Variants in KIF1B observed in about 807,000 individuals in gnomAD.
KIF1B encodes kinesin family member 1B.
A neutral mutation model predicts 241.9 loss-of-function variants in KIF1B; 76 were observed. The observed-to-expected ratio is 0.31, with a 90% CI of 0.26 to 0.38. KIF1B has a LOEUF of 0.38. KIF1B is among the 10% of genes least tolerant of loss of function. KIF1B has a pLI of 1.00. For synonymous variants in KIF1B, 750 were observed against 796.7 expected (o/e 0.94, Z 0.99); for missense variants, 1,622 against 2,271.4 (o/e 0.71, Z 5.81).
intron 20 of KIF1B, 86 bp from the exon 21 acceptor site, chr1:10,296,811 T>C: frequency 7.2e-7 from 1 of 1,395,122 alleles, no homozygotes; most frequent in Non-Finnish European, 1.0e-6. Context: ...AGCTGTCTTT[T>C]CACATTAGGG....
rs1374612926 is a variant in KIF1B at position 10,376,862 on chromosome 1, C to CACAT, written c.*278_*279insTACA. 23 of 448,128 alleles carry CACAT rather than the reference C, an allele frequency of 5.1e-5. No homozygotes were observed. The highest frequency in any genetic ancestry group is 4.3e-4 in the African/African-American group (22 of 50,590). 27.8% of individuals were successfully genotyped at this position (448,128 alleles called of 1,614,324 possible). The stretch of plus-strand genomic sequence containing the variant: ...ACACACACACACACACACACACACA[C>CACAT]ACACATACACAGACAAAAACACAAA... On this transcript the variant is annotated 3_prime_UTR_variant, in exon 49 of 49. Transcript: ENST00000676179.
chr1:10,311,939 T>G (rs1651085150), intron 22 of KIF1B, among the ~76,000 whole-genome samples: 1 of 151,496 alleles, frequency 6.6e-6, no homozygotes, highest in African/African-American at 2.5e-5. Context: ...CCCTCTTCTG[T>G]GAGGTAGGTA....
Position 10,378,654 on chromosome 1 carries a change from G to C in KIF1B, c.*2067G>C. 1.9e-6 allele frequency: 1 copy of C among 539,424 alleles called. No individual in the cohort carries two copies. Among genetic ancestry groups the C allele is most frequent in the Non-Finnish European group, 3.3e-6 (1 of 300,304 alleles). The allele number at this position is 539,424 out of a possible 1,614,324, so 33.4% of individuals were successfully genotyped here. On this transcript the variant is annotated 3_prime_UTR_variant, in exon 49 of 49. Transcript: ENST00000676179. ...CGCAGCAAAGGCCAGGGGCTTGCGC[G>C]CCTCTGCAGAGTTGTTGCTAGGGAG...
intron 18 of KIF1B, 36 bp from the exon 19 acceptor site, chr1:10,295,624 T>C: frequency 6.3e-7 from 1 of 1,580,408 alleles, no homozygotes. Flanking sequence ...TTTCTGTGTC[T>C]GAATTTCCCT....
At chr1:10,302,868 C>T (rs949930125) in intron 22 of KIF1B, among the ~76,000 whole-genome samples, 1 of 152,098 alleles carries the variant, frequency 6.6e-6, no homozygotes, top group Non-Finnish European at 1.5e-5. Flanking sequence ...TGTCAATTCT[C>T]CTAAGAAATT....
chr1:10,247,017 A>T lies in KIF1B; in HGVS notation c.107-9230A>T, dbSNP rs559698561. 1.6e-4 allele frequency among the ~76,000 whole-genome samples: 24 copies of T among 152,190 alleles called. No individual in the cohort carries two copies. In the East Asian group the frequency reaches 4.3e-3, roughly 27 times the overall value. On this transcript the variant is annotated intron_variant, in intron 2 of 48. Coordinates refer to ENST00000676179, the MANE Select transcript of KIF1B (RefSeq NM_001365951.3). ...ATAGCTGGGACTACAGGTGCGTGCT[A>T]CCACACCCAGCTAATTTTTGTATTT...
At chr1:10,247,112 A>G (rs1044131365) in intron 2 of KIF1B, among the ~76,000 whole-genome samples, 1 of 152,158 alleles carries the variant, frequency 6.6e-6, no homozygotes, top group Admixed American at 6.6e-5. Flanking sequence ...CAATATGTCC[A>G]CCTAGGCCTC....
At chr1:10,331,706 T>G (rs1156976908) in intron 27 of KIF1B, among the ~76,000 whole-genome samples, 1 of 152,208 alleles carries the variant, frequency 6.6e-6, no homozygotes, top group African/African-American at 2.4e-5. Context: ...TTGGTTTTGT[T>G]TGATTTATTG....
chr1:10,324,123 G>T (rs1651630682), intron 25 of KIF1B, 61 bp downstream of exon 25: 2 of 1,095,690 alleles, frequency 1.8e-6, no homozygotes, highest in East Asian at 5.3e-5. Context: ...ACCTGCTCAA[G>T]TGAGCTCCCT....
chr1:10,306,534 C>T (rs1650834377), intron 22 of KIF1B: 1 of 651,814 alleles, frequency 1.5e-6, no homozygotes, highest in Non-Finnish European at 2.0e-6. Flanking sequence ...TCCCTAGAGC[C>T]CAGGAGTTCT....
At chr1:10,268,917 T>G (rs990186841) in intron 7 of KIF1B, among the ~76,000 whole-genome samples, 15 of 152,180 alleles carry the variant, frequency 9.9e-5, no homozygotes, top group African/African-American at 3.6e-4. Context: ...ATAGGATTGT[T>G]AAAAAGATTA....
rs756990052 is a variant in KIF1B at position 10,374,364 on chromosome 1, A to G, written c.4995A>G (p.Glu1665=). 6.2e-7 allele frequency: 1 copy of G among 1,614,206 alleles called. No homozygotes were observed. The highest frequency in any genetic ancestry group is 8.5e-7 in the Non-Finnish European group (1 of 1,180,026). The part of the protein sequence containing the change: ...SRASSPCPEF[E]QFQIVPAVET... Reference sequence around the variant, plus strand: ...CCTCTAGTCCCTGCCCAGAATTTGAACAGTTTCAGATTGTCCCAGCTGTGG... The same window carrying G: ...CCTCTAGTCCCTGCCCAGAATTTGAGCAGTTTCAGATTGTCCCAGCTGTGG... The change falls in exon 46 of 49, where the codon GAA becomes GAG. Residue 1665 remains glutamate (E), a synonymous_variant. Transcript: ENST00000676179. The surrounding 1 kb of genome is among the most constrained non-coding windows in gnomAD (Gnocchi z 4.3).
At chr1:10,268,567 T>C (rs892856247) in intron 7 of KIF1B, among the ~76,000 whole-genome samples, 1 of 152,106 alleles carries the variant, frequency 6.6e-6, no homozygotes, top group Non-Finnish European at 1.5e-5. Flanking sequence ...GTTCTTTCTT[T>C]TCTTCTTCTT....
At chr1:10,296,309 C>T (rs1425760460) in intron 19 of KIF1B, among the ~76,000 whole-genome samples, 2 of 152,018 alleles carry the variant, frequency 1.3e-5, no homozygotes, top group East Asian at 1.9e-4. Context: ...TTGACTGAAC[C>T]GTCAGAGATC....
intron 35 of KIF1B, among the ~76,000 whole-genome samples, chr1:10,346,565 A>G (rs914660254): frequency 1.3e-5 from 2 of 151,926 alleles, no homozygotes; most frequent in African/African-American, 4.8e-5. Context: ...GGGTTTCACC[A>G]TGTTGGCCAG....
chr1:10,276,538 T>C (rs1649117968), intron 12 of KIF1B, 139 bp downstream of exon 12: 1 of 696,546 alleles, frequency 1.4e-6, no homozygotes, highest in African/African-American at 1.8e-5. Flanking sequence ...AGGGAAAACT[T>C]AGGGAAAAAG....
At position 10,220,031 on chromosome 1, in the gene KIF1B, C is replaced by T. The variant is rs61775877; in HGVS notation, c.-80+9153C>T. Among the ~76,000 whole-genome samples, 1,444 of 151,740 alleles carry T rather than the reference C, an allele frequency of 9.5e-3. 19 individuals are homozygous for T. Among genetic ancestry groups the T allele is most frequent in the African/African-American group, 0.032 (1,340 of 41,374 alleles). ...CAGCCTGACCAACATGGAGAAACTC[C>T]GTCTCTACTAAAAATACAAAATTAG... On this transcript the variant is annotated intron_variant, in intron 1 of 48. Coordinates refer to ENST00000676179, the MANE Select transcript of KIF1B (RefSeq NM_001365951.3).
chr1:10,248,437 G>A (rs991932015), intron 2 of KIF1B, among the ~76,000 whole-genome samples: 3 of 152,150 alleles, frequency 2.0e-5, no homozygotes, highest in Non-Finnish European at 2.9e-5. Context: ...CTGGGCTCAA[G>A]TGATCCTCCT....
At chr1:10,298,441 T>G (rs1650375395) in intron 22 of KIF1B, among the ~76,000 whole-genome samples, 1 of 152,208 alleles carries the variant, frequency 6.6e-6, no homozygotes, top group Admixed American at 6.5e-5. Context: ...TCTTGTAAAT[T>G]ATAGTAAAGC....
Sources: allele counts gnomAD v4.1 joint callset (sites outside exome capture counted in the v4.1 genomes callset), GRCh38; gene constraint gnomAD v4.1.1; non-coding constraint Gnocchi (gnomAD v3.1); transcripts MANE v1.5; gene names NCBI Gene and HGNC (gene_info 2026-07-23, HGNC 2026-07-21).